ZNF483: variants seen among roughly 807,000 people sequenced by gnomAD.
ZNF483 encodes zinc finger protein 483, also known as zinc finger protein HIT-10.
In ZNF483, 9 loss-of-function variants were observed where a neutral mutation model predicts 28.6. The ratio of observed to expected loss-of-function variants is 0.32; its 90% CI spans 0.19 to 0.55. ZNF483 has a LOEUF of 0.55. Among genes scored for constraint, ZNF483 ranks in the 20% least tolerant of loss-of-function variants. The pLI, the probability that ZNF483 is intolerant of heterozygous loss-of-function variation, is 0.93. For missense variants in ZNF483, 675 were observed against 871.7 expected (o/e 0.77, Z 2.84); for synonymous variants, 322 against 306.2 (o/e 1.05, Z -0.54).
At chr9:111,567,352 T>C (rs1232734680) in intron 5 of ZNF483, among the ~76,000 whole-genome samples, 1 of 152,134 alleles carries the variant, frequency 6.6e-6, no homozygotes, top group Non-Finnish European at 1.5e-5. Flanking sequence ...CATGCCCAGC[T>C]AATTTTTGTA....
At chr9:111,530,779 AT>A in intron 2 of ZNF483, 95 bp from the exon 3 acceptor site, 1 of 49,958 alleles carries the variant, frequency 2.0e-5, no homozygotes. Flanking sequence ...ATATATATAT[AT>A]ATATATATAT....
Position 111,545,051 on chromosome 9 carries a change from G to C in ZNF483, c.*1881G>C, listed in dbSNP as rs2132265164. 6.6e-6 allele frequency among the ~76,000 whole-genome samples: 1 copy of C among 152,266 alleles called. No homozygotes were observed. Among genetic ancestry groups the C allele is most frequent in the South Asian group, 2.1e-4 (1 of 4,816 alleles). ...TGACTAATGTATGTAGGTGTGAAAT[G>C]CTACCTCTGGGAGAAGGTTTTTGGT... On this transcript the variant is annotated 3_prime_UTR_variant, in exon 6 of 6. Transcript: ENST00000309235.
intron 5 of ZNF483, among the ~76,000 whole-genome samples, chr9:111,537,300 C>G (rs746143201): frequency 1.3e-5 from 2 of 151,984 alleles, no homozygotes; most frequent in Non-Finnish European, 2.9e-5. Flanking sequence ...CAGCTCACTG[C>G]AGCCTCCACC....
intron 5 of ZNF483, 120 bp downstream of exon 5, chr9:111,534,473 C>A (rs977592614): frequency 2.5e-6 from 2 of 793,380 alleles, no homozygotes; most frequent in East Asian, 2.6e-5. Flanking sequence ...AGAATAGAGC[C>A]CTTGCCTTCC....
intron 5 of ZNF483, among the ~76,000 whole-genome samples, chr9:111,576,143 AGTGAGACTG>A (rs1180814313): frequency 6.6e-6 from 1 of 151,838 alleles, no homozygotes; most frequent in African/African-American, 2.4e-5. Flanking sequence ...TGGGAGACAG[AGTGAGACTG>A]GTGAGACTGA....
downstream of ZNF483, among the ~76,000 whole-genome samples, chr9:111,559,630 ACACACACACACATACAG>A (rs1828218401): frequency 1.4e-5 from 2 of 145,270 alleles, no homozygotes; most frequent in Non-Finnish European, 3.0e-5. Flanking sequence ...TACATATATA[ACACACACACACATACAG>A]CACACACACA....
chr9:111,542,591 A>T lies in ZNF483; in HGVS notation c.1656A>T (p.Thr552=), dbSNP rs754852198. Residue 552 remains threonine, a synonymous_variant, in exon 6 of 6, where the codon ACA becomes ACT. Coordinates refer to ENST00000309235, the MANE Select transcript of ZNF483 (RefSeq NM_133464.5). The surrounding 1 kb of genome is among the most constrained non-coding windows in gnomAD (Gnocchi z 6.2). ...QRIHTGEKPY[T]CSNCGKSFSH... ...TTCATACTGGAGAAAAACCCTATACATGTAGCAATTGTGGAAAATCCTTCA... is the reference window on the plus strand; with the variant it reads ...TTCATACTGGAGAAAAACCCTATACTTGTAGCAATTGTGGAAAATCCTTCA... The T allele has an allele frequency of 1.2e-6, 2 of 1,614,066 alleles. No individual in the cohort carries two copies. Among genetic ancestry groups the T allele is most frequent in the Non-Finnish European group, 1.7e-6 (2 of 1,179,994 alleles).
chr9:111,532,750 A>G (rs189025711), intron 3 of ZNF483, among the ~76,000 whole-genome samples: 3 of 152,258 alleles, frequency 2.0e-5, no homozygotes, highest in African/African-American at 7.2e-5. Flanking sequence ...TAGAAAGTGT[A>G]TTTCAAAAAT....
At chr9:111,530,814 T>TATA (rs1827323713) in intron 2 of ZNF483, 61 bp from the exon 3 acceptor site, 2 of 195,874 alleles carry the variant, frequency 1.0e-5, no homozygotes, top group African/African-American at 6.6e-5. Context: ...TATATATATA[T>TATA]AAGATTTTTA....
intron 5 of ZNF483, among the ~76,000 whole-genome samples, chr9:111,568,093 CA>C (rs1828648729): frequency 6.6e-6 from 1 of 152,056 alleles, no homozygotes; most frequent in Non-Finnish European, 1.5e-5. Flanking sequence ...AACAGAATAA[CA>C]GCGATTTTCA....
At chr9:111,555,671 GC>G (rs1828102202), downstream of ZNF483, among the ~76,000 whole-genome samples, 1 of 151,966 alleles carries the variant, frequency 6.6e-6, no homozygotes, top group Non-Finnish European at 1.5e-5. Flanking sequence ...GCAGGGGAGA[GC>G]AAAAAGGGGG....
At position 111,547,849 on chromosome 9, in the gene ZNF483, T is replaced by C. The variant is rs1470249475; in HGVS notation, c.*4679T>C. 6.6e-6 allele frequency among the ~76,000 whole-genome samples: 1 copy of C among 152,164 alleles called. No individual in the cohort carries two copies. The highest frequency in any genetic ancestry group is 1.5e-5 in the Non-Finnish European group (1 of 67,996). The stretch of plus-strand genomic sequence containing the variant: ...ATCTTCATTCTTTTGCATGCGAATA[T>C]CCAGTTTTCCCAGCCCCATCTGTTG... On this transcript the variant is annotated 3_prime_UTR_variant, in exon 6 of 6. Transcript: ENST00000309235.
intron 5 of ZNF483, among the ~76,000 whole-genome samples, chr9:111,567,081 C>CAA (rs1347415361): frequency 1.8e-5 from 2 of 108,330 alleles, no homozygotes; most frequent in Admixed American, 9.8e-5. Context: ...GACCCTGTCT[C>CAA]AAAAAAAAAA....
intron 5 of ZNF483, among the ~76,000 whole-genome samples, chr9:111,573,975 T>C (rs1356558395): frequency 6.6e-6 from 1 of 152,120 alleles, no homozygotes; most frequent in Admixed American, 6.5e-5. Flanking sequence ...TTAGTGGCAA[T>C]TGTCAGCCTG....
chr9:111,563,044 T>C (rs1004947533), intron 5 of ZNF483: 4 of 1,558,844 alleles, frequency 2.6e-6, no homozygotes, highest in African/African-American at 1.4e-5. Context: ...TTTAAGGTAG[T>C]ATACATTTTT....
rs1450226140 is a variant in ZNF483, at chr9:111,541,678, T to G, written c.743T>G (p.Ile248Arg). ...TTAGATGAATCAGCTTTAGATAAAA[T>G]AATAGAAAGGTGCCTCAGGGATGAT... ...SRLDESALDK[I>R]IERCLRDDDH... The change falls in exon 6 of 6, where the codon ATA becomes AGA. Residue 248 changes from isoleucine to arginine, a missense_variant. Ile to Arg is a moderately conservative substitution (Grantham distance 97). This residue lies in a region of ZNF483 where 525 missense variants were observed against 581.8 expected (regional missense o/e 0.90). Transcript: ENST00000309235. 3.1e-6 allele frequency: 5 copies of G among 1,603,540 alleles called. No homozygotes were observed. The highest frequency in any genetic ancestry group is 2.5e-6 in the Non-Finnish European group (3 of 1,177,326).
downstream of ZNF483, among the ~76,000 whole-genome samples, chr9:111,555,422 G>A (rs1828093183): frequency 6.6e-6 from 1 of 152,056 alleles, no homozygotes; most frequent in Admixed American, 6.6e-5. Flanking sequence ...CCCATCAGAA[G>A]GCCGTTGTGC....
Position 111,541,685 on chromosome 9 carries a change from A to G in ZNF483, c.750A>G (p.Glu250=). ...AATCAGCTTTAGATAAAATAATAGA[A>G]AGGTGCCTCAGGGATGATGATCATG... ...LDESALDKII[E]RCLRDDDHGL... is the part of the protein sequence containing the mutation. Residue 250 remains glutamate (E), a synonymous_variant, in exon 6 of 6, where the codon GAA becomes GAG. Transcript: ENST00000309235. 6.2e-7 allele frequency: 1 copy of G among 1,605,874 alleles called. No homozygotes were observed. Among genetic ancestry groups the G allele is most frequent in the Non-Finnish European group, 8.5e-7 (1 of 1,177,956 alleles).
intron 5 of ZNF483, chr9:111,563,539 T>C (rs111703901): frequency 0.061 from 11,222 of 185,106 alleles, 588 homozygotes; most frequent in African/African-American, 0.14. Context: ...AGAGTCTCGC[T>C]CTGTTGCCCA....
Sources: allele counts gnomAD v4.1 joint callset (sites outside exome capture counted in the v4.1 genomes callset), GRCh38; gene constraint gnomAD v4.1.1; regional missense constraint gnomAD v4.1.1; non-coding constraint Gnocchi (gnomAD v3.1); transcripts MANE v1.5; gene names NCBI Gene and HGNC (gene_info 2026-07-23, HGNC 2026-07-21).